TMX1: variants seen among roughly 807,000 people sequenced by gnomAD.
TMX1 encodes the protein thioredoxin related transmembrane protein 1, also known as thioredoxin-related transmembrane protein 1.
In TMX1, 25 loss-of-function variants were observed where a neutral mutation model predicts 36.6. The observed-to-expected ratio is 0.68, with a 90% confidence interval of 0.50 to 0.95. The LOEUF (loss-of-function observed/expected upper bound fraction) is 0.95. TMX1 is among the 40% of genes least tolerant of loss of function. TMX1 has a pLI of 0.00. For synonymous variants in TMX1, 133 were observed against 118.0 expected, an observed-to-expected ratio of 1.13 and a Z score of -0.82; for missense variants, 347 against 339.6, an observed-to-expected ratio of 1.02 and a Z score of -0.17.
chr14:51,241,563 CCTT>C (rs1342070559), intron 1 of TMX1, among the ~76,000 whole-genome samples: 2 of 152,162 alleles, frequency 1.3e-5, no homozygotes, highest in African/African-American at 2.4e-5. Context: ...TGTTAGAACA[CCTT>C]CTTCTTTAAA....
At chr14:51,242,292 T>C (rs1329609230) in intron 1 of TMX1, among the ~76,000 whole-genome samples, 1 of 152,198 alleles carries the variant, frequency 6.6e-6, no homozygotes, top group Non-Finnish European at 1.5e-5. Flanking sequence ...GTAACTTGTT[T>C]TAGATCGTGC....
In TMX1 at chr14:51,243,983, CT is replaced by C; in HGVS notation, c.268+15del. Reference sequence around the variant, plus strand: ...CACAGAGCAGCCAGGTACTGTAAGTCTTTGGTTAGTTTTGTTTCTTTGCTGT... The same window carrying C: ...CACAGAGCAGCCAGGTACTGTAAGTCTTGGTTAGTTTTGTTTCTTTGCTGT... On this transcript the variant is annotated intron_variant, in intron 2 of 7. Transcript: ENST00000457354. 6.3e-7 allele frequency: 1 copy of C among 1,587,230 alleles called. No homozygotes were observed. The highest frequency in any genetic ancestry group is 8.6e-7 in the Non-Finnish European group (1 of 1,165,494).
intron 2 of TMX1, 35 bp from the exon 3 acceptor site, chr14:51,245,278 C>A: frequency 6.2e-7 from 1 of 1,612,488 alleles, no homozygotes. Flanking sequence ...AGTGATTGGC[C>A]TATGTAAAAC....
chr14:51,245,457 A>G (rs775573302), intron 3 of TMX1, 99 bp downstream of exon 3: 5 of 1,566,124 alleles, frequency 3.2e-6, no homozygotes, highest in Non-Finnish European at 4.3e-6. Flanking sequence ...GAGCTGAGGT[A>G]ATCTCATTAT....
Position 51,249,760 on chromosome 14 carries a change from C to T in TMX1, c.659C>T (p.Pro220Leu). 1 of 1,601,808 alleles carries T rather than the reference C, an allele frequency of 6.2e-7. No homozygotes were observed. The highest frequency in any genetic ancestry group is 1.1e-5 in the South Asian group (1 of 89,182). The change falls in exon 7 of 8, where the codon CCT (proline) becomes CTT (leucine). Residue 220 changes from proline (P) to leucine (L), a missense_variant. Physicochemically the swap from Pro to Leu is moderately conservative, Grantham distance 98. Transcript: ENST00000457354. ...CGCAGACCACAGCCGTACCCATACCCTTCAAGTAAGTATATTTTAAAATGT... is the reference window on the plus strand; with the variant it reads ...CGCAGACCACAGCCGTACCCATACCTTTCAAGTAAGTATATTTTAAAATGT... Reference protein sequence around the residue: ...KRRRPQPYPYPSKKLLSESAQ... With the variant: ...KRRRPQPYPYLSKKLLSESAQ...
Position 51,249,345 on chromosome 14 carries a change from C to G in TMX1, c.463C>G (p.Leu155Val). The G allele has an allele frequency of 6.2e-7, 1 of 1,607,746 alleles. No homozygotes were observed. Among genetic ancestry groups the G allele is most frequent in the Non-Finnish European group, 8.5e-7 (1 of 1,178,036 alleles). Residue 155 changes from leucine (L) to valine (V), a missense_variant, in exon 5 of 8, where the codon CTC becomes GTC. Transcript: ENST00000457354. ...GSVLMSSMSA[L>V]FQLSMWIRTC... The stretch of plus-strand genomic sequence containing the variant: ...TTTTAGGATGAGTAGTATGTCAGCA[C>G]TCTTTCAGCTATCTATGTGGATCAG...
chr14:51,250,708 G>T (rs1287899929), intron 7 of TMX1, among the ~76,000 whole-genome samples: 1 of 152,156 alleles, frequency 6.6e-6, no homozygotes, highest in African/African-American at 2.4e-5. Flanking sequence ...AGCCAGGATG[G>T]TCTCGATCTC....
At chr14:51,244,551 G>T (rs1386432266) in intron 2 of TMX1, among the ~76,000 whole-genome samples, 1 of 151,916 alleles carries the variant, frequency 6.6e-6, no homozygotes, top group Non-Finnish European at 1.5e-5. Context: ...CTCCTGACTT[G>T]GTCCCTGGAC....
chr14:51,256,920 G>A lies in TMX1; in HGVS notation c.*2401G>A, dbSNP rs1169227460. The A allele has an allele frequency of 6.6e-6, 1 of 151,106 alleles. No homozygotes were observed. Among genetic ancestry groups the A allele is most frequent in the Non-Finnish European group, 1.5e-5 (1 of 67,806 alleles). The allele number at this position is 151,106 out of a possible 1,614,324, so 9.4% of individuals were successfully genotyped here. Reference sequence around the variant, plus strand: ...TTTGTTTTTGTTTTTTTTCTTCAGTGTGGGTACATGAAATTCAGCAATCTC... The same window carrying A: ...TTTGTTTTTGTTTTTTTTCTTCAGTATGGGTACATGAAATTCAGCAATCTC... On this transcript the variant is annotated 3_prime_UTR_variant, in exon 8 of 8. Coordinates refer to ENST00000457354, the MANE Select transcript of TMX1 (RefSeq NM_030755.5).
chr14:51,241,578 A>G lies in TMX1; in HGVS notation c.152+1134A>G, dbSNP rs1045080477. ...TGTTAGAACACCTTCTTCTTTAAAA[A>G]GGTTCAGCTGGAAGTGGCGTACGCT... is the stretch of plus-strand genomic sequence containing the variant. On this transcript the variant is annotated intron_variant, in intron 1 of 7. Coordinates refer to ENST00000457354, the MANE Select transcript of TMX1 (RefSeq NM_030755.5). 1.1e-4 allele frequency among the ~76,000 whole-genome samples: 17 copies of G among 152,340 alleles called. 1 individual carries two copies. The highest frequency in any genetic ancestry group is 3.4e-3 in the Middle Eastern group (1 of 294).
chr14:51,254,355 G>T lies in TMX1; in HGVS notation c.679G>T (p.Glu227Ter). 6.3e-7 allele frequency: 1 copy of T among 1,590,030 alleles called. No homozygotes were observed. The highest frequency in any genetic ancestry group is 8.5e-7 in the Non-Finnish European group (1 of 1,173,456). The part of the protein sequence containing the change: ...YPYPSKKLLS[E>*]SAQPLKKVEE... ...TTGTCTTTAAGAAAAATTATTATCA[G>T]AATCTGCACAACCTTTGAAAAAAGT... is the stretch of plus-strand genomic sequence containing the variant. The change falls in exon 8 of 8, where the codon GAA becomes TAA. Residue 227 changes from glutamate (E) to a stop codon, truncating the protein, a stop_gained. Coordinates refer to ENST00000457354, the MANE Select transcript of TMX1 (RefSeq NM_030755.5). LOFTEE classifies it high-confidence loss of function.
At chr14:51,244,239 T>C in intron 2 of TMX1, 1 of 231,974 alleles carries the variant, frequency 4.3e-6, no homozygotes, top group Non-Finnish European at 8.3e-6. Context: ...CTTTTTATTC[T>C]TGCCCACATA....
intron 3 of TMX1, 104 bp downstream of exon 3, chr14:51,245,462 CATT>C (rs2065781466): frequency 2.6e-6 from 4 of 1,558,882 alleles, no homozygotes; most frequent in Admixed American, 1.9e-5. Context: ...GAGGTAATCT[CATT>C]ATATTCAGCA....
intron 7 of TMX1, 95 bp downstream of exon 7, chr14:51,249,860 T>C (rs1185165939): frequency 9.7e-6 from 9 of 929,118 alleles, no homozygotes; most frequent in African/African-American, 1.7e-5. Flanking sequence ...TCTTCCAGCT[T>C]AGAATTCTAA....
intron 6 of TMX1, 46 bp from the exon 7 acceptor site, chr14:51,249,647 G>A: frequency 1.3e-6 from 2 of 1,593,620 alleles, no homozygotes; most frequent in South Asian, 1.1e-5. Context: ...CATTAGCTGT[G>A]GCATATATTC....
chr14:51,254,354 A>C lies in TMX1; in HGVS notation c.678A>C (p.Ser226=). The C allele has an allele frequency of 6.3e-7, 1 of 1,587,626 alleles. No homozygotes were observed. The highest frequency in any genetic ancestry group is 8.5e-7 in the Non-Finnish European group (1 of 1,172,830). The change falls in exon 8 of 8, where the codon TCA becomes TCC. Residue 226 remains serine (S), a synonymous_variant. Coordinates refer to ENST00000457354, the MANE Select transcript of TMX1 (RefSeq NM_030755.5). The part of the protein sequence containing the change: ...PYPYPSKKLL[S]ESAQPLKKVE... ...TTTGTCTTTAAGAAAAATTATTATCAGAATCTGCACAACCTTTGAAAAAAG... is the reference window on the plus strand; with the variant it reads ...TTTGTCTTTAAGAAAAATTATTATCCGAATCTGCACAACCTTTGAAAAAAG...
At chr14:51,253,308 G>A (rs1309801710) in intron 7 of TMX1, among the ~76,000 whole-genome samples, 1 of 152,190 alleles carries the variant, frequency 6.6e-6, no homozygotes, top group Non-Finnish European at 1.5e-5. Flanking sequence ...TCCTTGAGGA[G>A]GGCGAGAACT....
rs749274357 is a variant in TMX1, at chr14:51,247,194, A to T, written c.417A>T (p.Ser139=). ...AGTGGAAGAGTATTGAGCCCGTTTC[A>T]TCATGGTTTGGTCCAGGTTCTGTTC... ...DKEWKSIEPV[S]SWFGPGSVLM... is the part of the protein sequence containing the mutation. Residue 139 remains serine (S), a synonymous_variant, in exon 4 of 8, where the codon TCA becomes TCT. Coordinates refer to ENST00000457354, the MANE Select transcript of TMX1 (RefSeq NM_030755.5). The T allele has an allele frequency of 1.2e-6, 2 of 1,613,606 alleles. No individual in the cohort carries two copies. Among genetic ancestry groups the T allele is most frequent in the Non-Finnish European group, 1.7e-6 (2 of 1,179,798 alleles).
intron 1 of TMX1, among the ~76,000 whole-genome samples, chr14:51,241,774 A>C (rs2065762664): frequency 2.0e-5 from 3 of 152,212 alleles, no homozygotes; most frequent in Non-Finnish European, 4.4e-5. Flanking sequence ...GAGGCCAGTG[A>C]AAGTGACATC....
Sources: allele counts gnomAD v4.1 joint callset (sites outside exome capture counted in the v4.1 genomes callset), GRCh38; gene constraint gnomAD v4.1.1; transcripts MANE v1.5; gene names NCBI Gene and HGNC (gene_info 2026-07-23, HGNC 2026-07-21).